Variants in ARMC6 observed in about 807,000 individuals in gnomAD.
The protein encoded by ARMC6 is armadillo repeat-containing protein 6.
ARMC6 carries 43 observed loss-of-function variants against 49.2 expected under a neutral mutation model. That is an observed-to-expected ratio of 0.87 (90% confidence interval 0.69 to 1.13). ARMC6 has a LOEUF of 1.13. Ranked by LOEUF, ARMC6 falls within the 50% of genes most tolerant of loss-of-function variation. The pLI, the probability that ARMC6 is intolerant of heterozygous loss-of-function variation, is 0.00. For missense variants in ARMC6, 627 were observed against 682.0 expected (o/e 0.92, Z 0.90); for synonymous variants, 262 against 289.6 (o/e 0.90, Z 0.97).
chr19:19,056,413 C>A (rs934167034), intron 8 of ARMC6, among the ~76,000 whole-genome samples: 1 of 152,056 alleles, frequency 6.6e-6, no homozygotes, highest in African/African-American at 2.4e-5. Context: ...AGGCATGGGC[C>A]ACCACGCCCA....
intron 2 of ARMC6, among the ~76,000 whole-genome samples, chr19:19,038,534 C>A (rs2059387303): frequency 6.6e-6 from 1 of 152,120 alleles, no homozygotes. Flanking sequence ...TGATACCTAC[C>A]CCTGGTTTCC....
chr19:19,053,679 C>G (rs2059518450), intron 5 of ARMC6, among the ~76,000 whole-genome samples: 1 of 152,090 alleles, frequency 6.6e-6, no homozygotes, highest in Non-Finnish European at 1.5e-5. Flanking sequence ...TGAGTGCCGG[C>G]ACCTGCTTCC....
chr19:19,042,835 G>C lies in ARMC6; in HGVS notation c.154G>C (p.Glu52Gln). 2 of 1,614,034 alleles carry C rather than the reference G, an allele frequency of 1.2e-6. No individual in the cohort carries two copies. The highest frequency in any genetic ancestry group is 1.7e-6 in the Non-Finnish European group (2 of 1,180,052). ...CATCGAGGAGTTTGCGATGGGGCCA[G>C]AGGAGGCAGTGAAAGAGGCCGTGGA... The part of the protein sequence containing the change: ...ENIEEFAMGP[E>Q]EAVKEAVEQF... Residue 52 changes from glutamate (E) to glutamine (Q), a missense_variant, in exon 3 of 9, where the codon GAG (glutamate) becomes CAG (glutamine). Transcript: ENST00000535612.
In ARMC6 at chr19:19,057,472, G is replaced by T; in HGVS notation, c.1350G>T (p.Lys450Asn). Residue 450 changes from lysine (K) to asparagine (N), a missense_variant, in exon 9 of 9, where the codon AAG (lysine) becomes AAT (asparagine). Lys to Asn is a moderately conservative substitution (Grantham distance 94). Transcript: ENST00000535612. ...NLVAHGQAFSKPILDLGAEAL... is the reference protein window; with the variant it reads ...NLVAHGQAFSNPILDLGAEAL... ...TGGCCCACGGCCAGGCCTTCTCGAA[G>T]CCCATCCTGGACCTGGGGGCTGAGG... 6.2e-7 allele frequency: 1 copy of T among 1,614,052 alleles called. No homozygotes were observed. The highest frequency in any genetic ancestry group is 8.5e-7 in the Non-Finnish European group (1 of 1,180,024).
chr19:19,038,238 A>G (rs2059385517), intron 2 of ARMC6, among the ~76,000 whole-genome samples: 1 of 152,232 alleles, frequency 6.6e-6, no homozygotes, highest in African/African-American at 2.4e-5. Flanking sequence ...TAATTATTAT[A>G]TTACAATGTA....
chr19:19,040,140 T>C (rs957947810), intron 2 of ARMC6, among the ~76,000 whole-genome samples: 5 of 152,112 alleles, frequency 3.3e-5, no homozygotes, highest in Non-Finnish European at 5.9e-5. Context: ...CAGATTCGGG[T>C]TTGAGATTTT....
intron 6 of ARMC6, 103 bp downstream of exon 6, chr19:19,054,424 C>G (rs2059526291): frequency 7.9e-7 from 1 of 1,260,314 alleles, no homozygotes; most frequent in Non-Finnish European, 1.0e-6. Context: ...GTGTCGGAAC[C>G]AAAGTGCAGT....
intron 2 of ARMC6, among the ~76,000 whole-genome samples, chr19:19,034,864 C>CTT (rs1219565495): frequency 1.5e-4 from 21 of 139,368 alleles, no homozygotes; most frequent in African/African-American, 2.4e-4. Context: ...CTTGCCTGGC[C>CTT]TTTTTTTTTT....
intron 4 of ARMC6, among the ~76,000 whole-genome samples, chr19:19,047,583 C>T (rs1179352621): frequency 1.3e-5 from 2 of 152,264 alleles, no homozygotes; most frequent in South Asian, 2.1e-4. Context: ...GGTAAAGCCC[C>T]CCTCCATGAG....
chr19:19,038,783 C>T (rs940565251), intron 2 of ARMC6, among the ~76,000 whole-genome samples: 1 of 152,062 alleles, frequency 6.6e-6, no homozygotes, highest in Admixed American at 6.6e-5. Context: ...TCTTGAACTC[C>T]TGACCTCAGG....
At position 19,035,134 on chromosome 19, in the gene ARMC6, G is replaced by T. The variant is rs553913291; in HGVS notation, c.29+896G>T. ...CCGCTTCGGCCTCCCAAAGTGCTGG[G>T]ATTACAGGCGTGAGCCACCGTGCCC... On this transcript the variant is annotated intron_variant, in intron 2 of 8. Transcript: ENST00000535612. 3.6e-4 allele frequency among the ~76,000 whole-genome samples: 55 copies of T among 152,310 alleles called. No homozygotes were observed. In the East Asian group the frequency reaches 0.01, roughly 29 times the overall value.
At chr19:19,038,855 CCTTA>C (rs1222054958) in intron 2 of ARMC6, among the ~76,000 whole-genome samples, 1 of 151,618 alleles carries the variant, frequency 6.6e-6, no homozygotes, top group African/African-American at 2.4e-5. Context: ...CCATGCCTGG[CCTTA>C]CTTGCTTATT....
chr19:19,050,152 A>G (rs1183378811), intron 4 of ARMC6, among the ~76,000 whole-genome samples: 1 of 151,898 alleles, frequency 6.6e-6, no homozygotes, highest in African/African-American at 2.4e-5. Context: ...CTTTGTTGTC[A>G]TTGTAGTGTT....
intron 6 of ARMC6, 122 bp downstream of exon 6, chr19:19,054,443 T>C: frequency 9.1e-7 from 1 of 1,096,862 alleles, no homozygotes; most frequent in Non-Finnish European, 1.2e-6. Context: ...GTTTTTCTTT[T>C]CACGGACCCA....
intron 6 of ARMC6, 39 bp downstream of exon 6, chr19:19,054,360 G>T: frequency 6.8e-7 from 1 of 1,463,704 alleles, no homozygotes; most frequent in Non-Finnish European, 9.1e-7. Flanking sequence ...CTGTCCTTCT[G>T]GGTCCCAGTC....
intron 5 of ARMC6, among the ~76,000 whole-genome samples, chr19:19,053,766 C>T (rs2059519537): frequency 6.6e-6 from 1 of 152,114 alleles, no homozygotes; most frequent in African/African-American, 2.4e-5. Context: ...GTATGTGTCC[C>T]TCTATGGTTC....
Position 19,046,439 on chromosome 19 carries a change from C to T in ARMC6, c.279+2365C>T, listed in dbSNP as rs188083137. Among the ~76,000 whole-genome samples, 510 of 151,896 alleles carry T rather than the reference C, an allele frequency of 3.4e-3. 11 individuals carry two copies. Among genetic ancestry groups the T allele is most frequent in the Middle Eastern group, 0.031 (9 of 294 alleles). On this transcript the variant is annotated intron_variant, in intron 4 of 8. Transcript: ENST00000535612. ...ATCTCGATCTCCTGACCTTGTGATC[C>T]GCCTGCCTCGGCCTCCCAAAGTGCT...
At position 19,052,028 on chromosome 19, in the gene ARMC6, T is replaced by C. The variant is rs767241953; in HGVS notation, c.686T>C (p.Ile229Thr). The C allele has an allele frequency of 6.2e-7, 1 of 1,614,008 alleles. No homozygotes were observed. Among genetic ancestry groups the C allele is most frequent in the Non-Finnish European group, 8.5e-7 (1 of 1,180,036 alleles). The change falls in exon 5 of 9, where the codon ATC becomes ACC. Residue 229 changes from isoleucine to threonine, a missense_variant. Transcript: ENST00000535612. ...AGVLPLLTGA[I>T]THHGHHTDVV... ...GTGCTGCCTCTGCTGACTGGTGCCA[T>C]CACCCATCATGGCCACCACACTGAC... is the stretch of plus-strand genomic sequence containing the variant.
At chr19:19,045,407 A>G (rs1428858083) in intron 4 of ARMC6, among the ~76,000 whole-genome samples, 1 of 152,052 alleles carries the variant, frequency 6.6e-6, no homozygotes, top group East Asian at 1.9e-4. Context: ...AAGTTTATAT[A>G]GGAAGGATCT....
Sources: gnomAD v4.1 joint callset for allele counts (sites outside exome capture counted in the v4.1 genomes callset) on GRCh38, gnomAD v4.1.1 for gene constraint, MANE v1.5 for transcripts, NCBI Gene and HGNC (gene_info 2026-07-23, HGNC 2026-07-21) for gene names.